The following CTIF variants were observed in gnomAD, a reference collection of about 807,000 sequenced individuals.
CTIF encodes CBP80/20-dependent translation initiation factor.
Under a neutral mutation model 66.0 loss-of-function variants are expected in CTIF, and 21 were observed. That is an observed-to-expected ratio of 0.32 (90% CI 0.23 to 0.46). The LOEUF is 0.46. CTIF is among the 20% of genes least tolerant of loss of function. The pLI, the probability that CTIF is intolerant of heterozygous loss-of-function variation, is 1.00. For missense variants in CTIF, 739 were observed against 812.7 expected, an observed-to-expected ratio of 0.91 and a Z score of 1.10; for synonymous variants, 345 against 326.4, an observed-to-expected ratio of 1.06 and a Z score of -0.62.
intron 2 of CTIF, among the ~76,000 whole-genome samples, chr18:48,631,610 A>G (rs2144573204): frequency 6.6e-6 from 1 of 152,380 alleles, no homozygotes. Context: ...AGTGGAGAAC[A>G]AACACCTGTA....
At position 48,684,343 on chromosome 18, in the gene CTIF, C is replaced by T. The variant is rs928929520; in HGVS notation, c.507+13599C>T. ...GAAAATAGCAGCTTTCTACCCCCTG[C>T]GTCCTCAAGTGACCCGTTCCATTCC... On this transcript the variant is annotated intron_variant, in intron 6 of 11. Transcript: ENST00000256413. Among the ~76,000 whole-genome samples, 5 of 152,180 alleles carry T rather than the reference C, an allele frequency of 3.3e-5. No homozygotes were observed. The South Asian group carries it at 8.3e-4, about 25-fold the overall frequency.
intron 6 of CTIF, among the ~76,000 whole-genome samples, chr18:48,692,138 C>T (rs1340976565): frequency 6.6e-6 from 1 of 152,124 alleles, no homozygotes; most frequent in East Asian, 1.9e-4. Flanking sequence ...TTTCAAAAAC[C>T]TGAGCTTGTT....
chr18:48,738,471 C>T (rs1303991640), intron 7 of CTIF, among the ~76,000 whole-genome samples: 5 of 152,304 alleles, frequency 3.3e-5, no homozygotes, highest in Non-Finnish European at 7.4e-5. Context: ...TCACACTCTG[C>T]ACTCCCGCCA....
chr18:48,817,188 G>C (rs767942487), intron 9 of CTIF, 33 bp from the exon 10 acceptor site: 19 of 1,602,872 alleles, frequency 1.2e-5, no homozygotes, highest in Non-Finnish European at 1.4e-5. Context: ...CCCCAGCCCC[G>C]GGAGGCTGAC....
intron 6 of CTIF, among the ~76,000 whole-genome samples, chr18:48,694,857 C>A (rs992509361): frequency 6.6e-6 from 1 of 151,152 alleles, no homozygotes; most frequent in Admixed American, 6.6e-5. Context: ...ACAGGACTTA[C>A]AATTTCCTAG....
Position 48,636,676 on chromosome 18 carries a change from C to G in CTIF, c.243C>G (p.Pro81=), listed in dbSNP as rs953323569. ...GTTCCTTCTCCCGAGGGCGAGCCCC[C>G]CCACAGCAGGTAGGGAACCAGCTCT... ...SSCSFSRGRA[P]PQQNGSKDNS... is the part of the protein sequence containing the mutation. The change falls in exon 3 of 12, where the codon CCC becomes CCG. Residue 81 remains proline, a synonymous_variant. Transcript: ENST00000256413. 7.5e-6 allele frequency: 12 copies of G among 1,599,054 alleles called. No homozygotes were observed. The Admixed American group carries it at 1.4e-4, about 19-fold the overall frequency.
At chr18:48,614,472 T>G (rs1447959067) in intron 1 of CTIF, among the ~76,000 whole-genome samples, 1 of 152,176 alleles carries the variant, frequency 6.6e-6, no homozygotes, top group Non-Finnish European at 1.5e-5. Context: ...AGTGGATGAA[T>G]GGATAAATAA....
chr18:48,859,993 G>A lies in CTIF; in HGVS notation c.*434G>A, dbSNP rs1372999263. 4.3e-6 allele frequency: 2 copies of A among 459,928 alleles called. No individual in the cohort carries two copies. The highest frequency in any genetic ancestry group is 4.4e-6 in the Non-Finnish European group (1 of 229,506). The allele number at this position is 459,928 out of a possible 1,614,324, so 28.5% of individuals were successfully genotyped here. A position where few individuals can be genotyped will look rare whatever the true frequency, so the allele number is the denominator to read the frequency against. On this transcript the variant is annotated 3_prime_UTR_variant, in exon 12 of 12. Coordinates refer to ENST00000256413, the MANE Select transcript of CTIF (RefSeq NM_014772.3). ...GGCTGAAAAAGTGGGTCGGAGACGGGCTCGCATTGTTCCCGCATGCTGTCA... is the reference window on the plus strand; with the variant it reads ...GGCTGAAAAAGTGGGTCGGAGACGGACTCGCATTGTTCCCGCATGCTGTCA...
chr18:48,724,028 A>G (rs1293345189), intron 7 of CTIF, among the ~76,000 whole-genome samples: 3 of 152,178 alleles, frequency 2.0e-5, no homozygotes, highest in Non-Finnish European at 4.4e-5. Flanking sequence ...AATTAAGATG[A>G]AGTTGTCCCC....
chr18:48,704,603 A>G (rs925641537), intron 6 of CTIF, among the ~76,000 whole-genome samples: 1 of 152,198 alleles, frequency 6.6e-6, no homozygotes, highest in African/African-American at 2.4e-5. Flanking sequence ...ATGCTAGGGA[A>G]GGACCATCGC....
At chr18:48,621,913 C>T (rs1598752601) in intron 2 of CTIF, among the ~76,000 whole-genome samples, 1 of 152,204 alleles carries the variant, frequency 6.6e-6, no homozygotes, top group East Asian at 1.9e-4. Flanking sequence ...CTGGCCTATC[C>T]CCAGCCCCCA....
At chr18:48,613,944 C>T (rs886216235) in intron 1 of CTIF, among the ~76,000 whole-genome samples, 2 of 152,220 alleles carry the variant, frequency 1.3e-5, no homozygotes, top group African/African-American at 2.4e-5. Context: ...TTTTCCTACT[C>T]CTGCTGCTTG....
intron 10 of CTIF, among the ~76,000 whole-genome samples, chr18:48,857,092 G>C (rs559858327): frequency 6.6e-6 from 1 of 152,316 alleles, no homozygotes; most frequent in African/African-American, 2.4e-5. Flanking sequence ...TACAGCACTG[G>C]GCCAGTGGAG....
At chr18:48,684,087 C>T (rs2091794539) in intron 6 of CTIF, among the ~76,000 whole-genome samples, 2 of 152,214 alleles carry the variant, frequency 1.3e-5, no homozygotes, top group South Asian at 4.1e-4. Flanking sequence ...TCAGTAGCCA[C>T]TTGCACCTCG....
rs182469390 is a variant in CTIF at position 48,761,387 on chromosome 18, C to T, written c.1072-3C>T. Reference sequence around the variant, plus strand: ...CACATTCATTTGTCTCCGACACCCCCAGGATGAAGTGGCCGTGGAGACGAC... The same window carrying T: ...CACATTCATTTGTCTCCGACACCCCTAGGATGAAGTGGCCGTGGAGACGAC... On this transcript the variant is annotated splice_region_variant and splice_polypyrimidine_tract_variant and intron_variant, in intron 8 of 11. Transcript: ENST00000256413. The surrounding 1 kb of genome is among the most constrained non-coding windows in gnomAD (Gnocchi z 4.2). The T allele has an allele frequency of 2.0e-4, 316 of 1,611,914 alleles. 1 individual carries two copies. The African/African-American group carries it at 3.8e-3, about 20-fold the overall frequency.
intron 3 of CTIF, among the ~76,000 whole-genome samples, chr18:48,651,076 A>G (rs969669750): frequency 2.9e-4 from 44 of 152,220 alleles, no homozygotes; most frequent in African/African-American, 1.0e-3. Flanking sequence ...CTAGGAAGAA[A>G]CTGCATCAAT....
At chr18:48,626,751 G>A (rs1361543320) in intron 2 of CTIF, among the ~76,000 whole-genome samples, 1 of 150,484 alleles carries the variant, frequency 6.6e-6, no homozygotes, top group East Asian at 2.0e-4. Context: ...TGCCTCCCGG[G>A]TTCAAGCGAT....
intron 2 of CTIF, among the ~76,000 whole-genome samples, chr18:48,626,296 C>T (rs1231071286): frequency 4.0e-5 from 6 of 149,886 alleles, no homozygotes; most frequent in South Asian, 2.1e-4. Flanking sequence ...CCACCGCGCC[C>T]GGCCACATTG....
At chr18:48,639,175 G>A (rs558832921) in intron 3 of CTIF, among the ~76,000 whole-genome samples, 2 of 152,384 alleles carry the variant, frequency 1.3e-5, no homozygotes, top group African/African-American at 4.8e-5. Context: ...AGAATGCTGG[G>A]TTTGCCTGAG....
Sources: gnomAD v4.1 joint callset for allele counts (sites outside exome capture counted in the v4.1 genomes callset) on GRCh38, gnomAD v4.1.1 for gene constraint, Gnocchi (gnomAD v3.1) non-coding constraint, MANE v1.5 for transcripts, NCBI Gene and HGNC (gene_info 2026-07-23, HGNC 2026-07-21) for gene names.